Variants in TMC1 observed in about 807,000 individuals in gnomAD.
The protein encoded by TMC1 is transmembrane channel like 1.
In TMC1, 84 loss-of-function variants were observed where a neutral mutation model predicts 105.8. The observed-to-expected ratio is 0.79, with a 90% CI of 0.67 to 0.95. The LOEUF is 0.95. Among genes scored for constraint, TMC1 ranks in the 40% least tolerant of loss-of-function variants. TMC1 has a pLI of 0.00. For missense variants in TMC1, 817 were observed against 914.1 expected (o/e 0.89, Z 1.37); for synonymous variants, 315 against 311.5 (o/e 1.01, Z -0.12).
At chr9:72,763,642 G>C (rs1001833957) in intron 12 of TMC1, among the ~76,000 whole-genome samples, 6 of 152,176 alleles carry the variant, frequency 3.9e-5, no homozygotes, top group Non-Finnish European at 7.3e-5. Context: ...GAGAACGTGT[G>C]ATGATAAGAG....
intron 1 of TMC1, among the ~76,000 whole-genome samples, chr9:72,548,126 C>T (rs1164811811): frequency 6.6e-6 from 1 of 152,148 alleles, no homozygotes; most frequent in African/African-American, 2.4e-5. Flanking sequence ...TTTGGGGGTA[C>T]ACAAACATTC....
intron 2 of TMC1, among the ~76,000 whole-genome samples, chr9:72,604,672 C>T (rs983335030): frequency 1.3e-5 from 2 of 152,116 alleles, no homozygotes; most frequent in East Asian, 1.9e-4. Flanking sequence ...CAGTGTCTAA[C>T]GTACTATAGT....
chr9:72,767,990 T>C (rs1038788483), intron 12 of TMC1, among the ~76,000 whole-genome samples: 18 of 152,218 alleles, frequency 1.2e-4, no homozygotes, highest in African/African-American at 4.1e-4. Flanking sequence ...AAGCCATCCC[T>C]CAATATGCTA....
chr9:72,777,799 G>GA (rs1159396255), intron 13 of TMC1, among the ~76,000 whole-genome samples: 1 of 152,206 alleles, frequency 6.6e-6, no homozygotes, highest in Non-Finnish European at 1.5e-5. Flanking sequence ...GACAAAGACA[G>GA]AACTAAACAG....
intron 8 of TMC1, among the ~76,000 whole-genome samples, chr9:72,705,873 T>C (rs1445628209): frequency 6.6e-6 from 1 of 152,204 alleles, no homozygotes; most frequent in Non-Finnish European, 1.5e-5. Context: ...CCTGACCTAT[T>C]GTTTCTGGGA....
chr9:72,734,792 T>C (rs1827272422), intron 8 of TMC1, among the ~76,000 whole-genome samples: 1 of 152,236 alleles, frequency 6.6e-6, no homozygotes, highest in African/African-American at 2.4e-5. Context: ...TTTCATTTGC[T>C]TGAGCAATAA....
chr9:72,548,354 C>T (rs1341265302), intron 1 of TMC1, among the ~76,000 whole-genome samples: 1 of 151,936 alleles, frequency 6.6e-6, no homozygotes, highest in African/African-American at 2.4e-5. Flanking sequence ...GGGTGGATCA[C>T]GAGGCCAGGA....
intron 8 of TMC1, among the ~76,000 whole-genome samples, chr9:72,708,412 C>T (rs1031451007): frequency 6.6e-6 from 1 of 152,134 alleles, no homozygotes; most frequent in African/African-American, 2.4e-5. Context: ...GATGTATTTC[C>T]ATTTGTTTGT....
intron 5 of TMC1, among the ~76,000 whole-genome samples, chr9:72,662,601 A>C (rs1323665587): frequency 2.6e-5 from 4 of 151,996 alleles, no homozygotes; most frequent in African/African-American, 9.7e-5. Flanking sequence ...CATCTTTTAT[A>C]TTTTGATGTT....
Position 72,567,206 on chromosome 9 carries a change from A to T in TMC1, c.-427-10696A>T, listed in dbSNP as rs1210104164. Among the ~76,000 whole-genome samples the T allele has an allele frequency of 2.0e-5, 3 of 152,250 alleles. No homozygotes were observed. The East Asian group carries it at 5.8e-4, about 29-fold the overall frequency. On this transcript the variant is annotated intron_variant, in intron 1 of 23. Coordinates refer to ENST00000297784, the MANE Select transcript of TMC1 (RefSeq NM_138691.3). ...TCGTTCCAAGCATATGTCTGTCTTTATGTTCCCATAGCACCTGATCATTGG... is the reference window on the plus strand; with the variant it reads ...TCGTTCCAAGCATATGTCTGTCTTTTTGTTCCCATAGCACCTGATCATTGG...
At chr9:72,632,630 T>C (rs1825469200) in intron 4 of TMC1, among the ~76,000 whole-genome samples, 1 of 152,028 alleles carries the variant, frequency 6.6e-6, no homozygotes, top group South Asian at 2.1e-4. Context: ...GTATGAAAGA[T>C]GTAATAGAAG....
chr9:72,765,260 A>G (rs906778536), intron 12 of TMC1, among the ~76,000 whole-genome samples: 6 of 152,218 alleles, frequency 3.9e-5, no homozygotes, highest in Middle Eastern at 3.4e-3. Flanking sequence ...ACCAACAGAA[A>G]TCACTATGCC....
intron 1 of TMC1, among the ~76,000 whole-genome samples, chr9:72,535,375 T>C (rs1823564784): frequency 6.6e-6 from 1 of 152,222 alleles, no homozygotes; most frequent in Admixed American, 6.5e-5. Flanking sequence ...TTGAATCCTC[T>C]TGATCCTGAC....
At chr9:72,806,766 C>T (rs1327397846) in intron 18 of TMC1, among the ~76,000 whole-genome samples, 2 of 151,564 alleles carry the variant, frequency 1.3e-5, no homozygotes, top group Non-Finnish European at 2.9e-5. Flanking sequence ...CGGAGACGCT[C>T]CTCACTTTCC....
In TMC1 at chr9:72,751,942, A is replaced by T; in HGVS notation, c.628A>T (p.Ile210Phe). The T allele has an allele frequency of 6.2e-7, 1 of 1,608,994 alleles. No homozygotes were observed. The highest frequency in any genetic ancestry group is 8.5e-7 in the Non-Finnish European group (1 of 1,175,490). Reference protein sequence around the residue: ...MVLFILTFSLIMLPEYLWGLP... With the variant: ...MVLFILTFSLFMLPEYLWGLP... The stretch of plus-strand genomic sequence containing the variant: ...TCTCTTTATCCTGACATTTAGCCTC[A>T]TCATGTTGCCAGAGGTGAGATCTGA... The change falls in exon 11 of 24, where the codon ATC becomes TTC. Residue 210 changes from isoleucine to phenylalanine, a missense_variant. Ile to Phe is a conservative substitution (Grantham distance 21). Transcript: ENST00000297784.
intron 10 of TMC1, among the ~76,000 whole-genome samples, chr9:72,749,210 C>T (rs575235375): frequency 3.9e-5 from 6 of 151,978 alleles, no homozygotes; most frequent in African/African-American, 9.7e-5. Flanking sequence ...GAGGATGGGC[C>T]GTGGCAATAA....
intron 9 of TMC1, chr9:72,741,259 A>C (rs1827385392): frequency 4.8e-6 from 1 of 206,288 alleles, no homozygotes; most frequent in African/African-American, 2.3e-5. Flanking sequence ...TCTGAAGGGC[A>C]TTCTTGATGA....
chr9:72,537,543 T>A (rs758140197), intron 1 of TMC1, among the ~76,000 whole-genome samples: 6 of 152,222 alleles, frequency 3.9e-5, no homozygotes, highest in Non-Finnish European at 7.3e-5. Flanking sequence ...AAAAAGTATC[T>A]GAGACAGGTC....
intron 2 of TMC1, among the ~76,000 whole-genome samples, chr9:72,583,153 C>T (rs976399238): frequency 1.2e-4 from 19 of 152,038 alleles, no homozygotes; most frequent in African/African-American, 3.4e-4. Flanking sequence ...ACCTGGGAGG[C>T]GGAGGTTGCA....
Sources: gnomAD v4.1 joint callset for allele counts (sites outside exome capture counted in the v4.1 genomes callset) on GRCh38, gnomAD v4.1.1 for gene constraint, MANE v1.5 for transcripts, NCBI Gene and HGNC (gene_info 2026-07-23, HGNC 2026-07-21) for gene names.